ACTN4: variants seen among roughly 807,000 people sequenced by gnomAD.
ACTN4 encodes alpha-actinin-4.
ACTN4 carries 18 observed loss-of-function variants against 114.2 expected under a neutral mutation model. The observed-to-expected ratio is 0.16, with a 90% CI of 0.11 to 0.23. The LOEUF (loss-of-function observed/expected upper bound fraction) is 0.23, where lower values mean the gene tolerates loss of function less well. Ranked by LOEUF, ACTN4 falls within the 10% of genes least tolerant of loss-of-function variation. The probability of loss-of-function intolerance (pLI) is 1.00; values close to 1 mark genes in which losing one functional copy is unlikely to be tolerated. For missense variants in ACTN4, 722 were observed against 1,262.9 expected, an observed-to-expected ratio of 0.57 and a Z score of 6.49; for synonymous variants, 515 against 506.3, an observed-to-expected ratio of 1.02 and a Z score of -0.23.
In ACTN4 at chr19:38,731,033, G is replaced by C. The variant is rs1969550010; in HGVS notation, c.*1601G>C. On this transcript the variant is annotated 3_prime_UTR_variant, in exon 21 of 21. Transcript: ENST00000252699. ...TGCTGGCTGCAGTGGCCTGTGCAGA[G>C]AGGGGCAGGGTGAGTGCCCACCAGT... 3 of 1,555,856 alleles carry C rather than the reference G, an allele frequency of 1.9e-6. No individual in the cohort carries two copies. The highest frequency in any genetic ancestry group is 2.6e-6 in the Non-Finnish European group (3 of 1,150,320).
chr19:38,704,818 G>C (rs1410901801), intron 3 of ACTN4, 116 bp from the exon 4 acceptor site: 2 of 849,466 alleles, frequency 2.4e-6, no homozygotes, highest in Admixed American at 1.9e-5. Flanking sequence ...ATGCAACCAG[G>C]GGGTGGTTTG....
chr19:38,679,425 C>A (rs769022447), intron 1 of ACTN4, among the ~76,000 whole-genome samples: 3 of 152,160 alleles, frequency 2.0e-5, no homozygotes, highest in Non-Finnish European at 4.4e-5. Flanking sequence ...CACACACAGA[C>A]CATATGCAAA....
chr19:38,698,421 G>T (rs1968162070), intron 1 of ACTN4, among the ~76,000 whole-genome samples: 4 of 152,228 alleles, frequency 2.6e-5, no homozygotes, highest in Admixed American at 1.3e-4. Context: ...ACTCTCCGCA[G>T]TGAGAACCTG....
intron 1 of ACTN4, among the ~76,000 whole-genome samples, chr19:38,662,434 T>C (rs1284507886): frequency 6.6e-6 from 1 of 152,184 alleles, no homozygotes; most frequent in Non-Finnish European, 1.5e-5. Flanking sequence ...CAAATGATTA[T>C]GGTGGCCTGT....
chr19:38,659,065 C>CTTTTTCTTTT (rs1555822760), intron 1 of ACTN4, among the ~76,000 whole-genome samples: 1 of 111,692 alleles, frequency 9.0e-6, no homozygotes, highest in Non-Finnish European at 1.8e-5. Flanking sequence ...CTTTTCTTTT[C>CTTTTTCTTTT]TTTTTTTTTT....
intron 1 of ACTN4, among the ~76,000 whole-genome samples, chr19:38,649,397 G>GA (rs1469071640): frequency 6.6e-6 from 1 of 151,984 alleles, no homozygotes; most frequent in Non-Finnish European, 1.5e-5. Context: ...TTTTGTGCGT[G>GA]AAATGGGTGG....
intron 12 of ACTN4, 107 bp from the exon 13 acceptor site, chr19:38,723,507 T>G: frequency 1.2e-6 from 1 of 803,264 alleles, no homozygotes; most frequent in Admixed American, 2.0e-5. Flanking sequence ...TATCCTGGAA[T>G]GTTGACTGCC....
chr19:38,708,311 G>T, intron 6 of ACTN4, 116 bp downstream of exon 6: 1 of 1,129,438 alleles, frequency 8.9e-7, no homozygotes, highest in African/African-American at 1.5e-5. Context: ...GGTTCTGCAC[G>T]CAGATGGGCA....
intron 8 of ACTN4, among the ~76,000 whole-genome samples, chr19:38,714,242 G>T (rs184123145): frequency 2.6e-5 from 4 of 152,208 alleles, no homozygotes; most frequent in Non-Finnish European, 5.9e-5. Flanking sequence ...CCTCCTCGGT[G>T]CCTCCAGGGT....
intron 12 of ACTN4, among the ~76,000 whole-genome samples, chr19:38,722,860 T>G (rs1425470758): frequency 6.6e-6 from 1 of 151,944 alleles, no homozygotes; most frequent in Non-Finnish European, 1.5e-5. Flanking sequence ...GAACAGGCGG[T>G]CCCCGAAGCA....
rs1969276853 is a variant in ACTN4, at chr19:38,727,502, C to G, written c.2337+399C>G. 6.6e-6 allele frequency among the ~76,000 whole-genome samples: 1 copy of G among 152,156 alleles called. No homozygotes were observed. The highest frequency in any genetic ancestry group is 1.5e-5 in the Non-Finnish European group (1 of 68,002). ...GGGCCCTGAGCGCCAGAGTTTGCTG[C>G]CATCCCCAGCCCACCCCTGCCGGGC... On this transcript the variant is annotated intron_variant, in intron 18 of 20. Transcript: ENST00000252699. The surrounding 1 kb of genome is among the most constrained non-coding windows in gnomAD (Gnocchi z 5.4).
intron 8 of ACTN4, chr19:38,711,248 C>CTCTCTCTT (rs1355475278): frequency 5.1e-6 from 5 of 982,402 alleles, no homozygotes; most frequent in Non-Finnish European, 6.1e-6. Context: ...TCCTGCCTCT[C>CTCTCTCTT]TCTCTCTTTC....
intron 11 of ACTN4, among the ~76,000 whole-genome samples, chr19:38,718,868 G>A (rs548800751): frequency 2.0e-5 from 3 of 152,310 alleles, no homozygotes; most frequent in South Asian, 2.1e-4. Context: ...TCACTGGCAC[G>A]TCCCTCAGGC....
intron 1 of ACTN4, among the ~76,000 whole-genome samples, chr19:38,695,799 G>T (rs1027170049): frequency 1.3e-5 from 2 of 152,152 alleles, no homozygotes; most frequent in African/African-American, 4.8e-5. Flanking sequence ...ACTTCTTCAA[G>T]GACACCTTTC....
intron 1 of ACTN4, among the ~76,000 whole-genome samples, chr19:38,652,226 A>G (rs557240302): frequency 1.3e-5 from 2 of 152,306 alleles, no homozygotes; most frequent in East Asian, 3.9e-4. Flanking sequence ...ACTGTTATCT[A>G]GAAAAAAGAC....
chr19:38,701,863 G>C (rs1266328968), intron 3 of ACTN4, among the ~76,000 whole-genome samples: 1 of 152,226 alleles, frequency 6.6e-6, no homozygotes, highest in Non-Finnish European at 1.5e-5. Flanking sequence ...TGTTGTCCCA[G>C]CTTCTAGAAA....
Position 38,731,080 on chromosome 19 carries a change from GCCCCACCA to G in ACTN4, c.*1649_*1656del, listed in dbSNP as rs758273908. On this transcript the variant is annotated 3_prime_UTR_variant, in exon 21 of 21. Coordinates refer to ENST00000252699, the MANE Select transcript of ACTN4 (RefSeq NM_004924.6). The stretch of plus-strand genomic sequence containing the variant: ...CAGTCCCCGTACCCCTTCCCCCCAT[GCCCCACCA>G]TGCCGGGGTGGTACTCACAGAAGAT... 9.1e-7 allele frequency: 1 copy of G among 1,093,296 alleles called. No homozygotes were observed. Among genetic ancestry groups the G allele is most frequent in the Non-Finnish European group, 1.3e-6 (1 of 776,894 alleles). The allele number at this position is 1,093,296 out of a possible 1,614,324, so 67.7% of individuals were successfully genotyped here. A position where few individuals can be genotyped will look rare whatever the true frequency, so the allele number is the denominator to read the frequency against.
At chr19:38,704,064 G>A (rs1254039244) in intron 3 of ACTN4, among the ~76,000 whole-genome samples, 3 of 152,198 alleles carry the variant, frequency 2.0e-5, no homozygotes, top group Non-Finnish European at 2.9e-5. Context: ...TGCAATCCCA[G>A]CACTTTGGGA....
intron 1 of ACTN4, among the ~76,000 whole-genome samples, chr19:38,698,936 C>T (rs1291663878): frequency 6.6e-6 from 1 of 152,196 alleles, no homozygotes; most frequent in South Asian, 2.1e-4. Context: ...TTGGTCAGAG[C>T]CCCCGTAGAA....
Sources: gnomAD v4.1 joint callset for allele counts (sites outside exome capture counted in the v4.1 genomes callset) on GRCh38, gnomAD v4.1.1 for gene constraint, Gnocchi (gnomAD v3.1) non-coding constraint, MANE v1.5 for transcripts, NCBI Gene and HGNC (gene_info 2026-07-23, HGNC 2026-07-21) for gene names.